Variants in NAV2 observed in about 807,000 individuals in gnomAD.
The protein encoded by NAV2 is neuron navigator 2.
In NAV2, 54 loss-of-function variants were observed where a neutral mutation model predicts 223.2. That is an observed-to-expected ratio of 0.24 (90% CI 0.19 to 0.30). NAV2 has a LOEUF of 0.30. Ranked by LOEUF, NAV2 falls within the 10% of genes least tolerant of loss-of-function variation. The probability of loss-of-function intolerance (pLI) is 1.00; values close to 1 mark genes in which losing one functional copy is unlikely to be tolerated. For synonymous variants in NAV2, 1,279 were observed against 1,239.3 expected (o/e 1.03, Z -0.67); for missense variants, 2,806 against 3,147.5 (o/e 0.89, Z 2.60).
At chr11:19,827,337 G>T (rs2059691280) in intron 1 of NAV2, among the ~76,000 whole-genome samples, 1 of 152,154 alleles carries the variant, frequency 6.6e-6, no homozygotes, top group South Asian at 2.1e-4. Context: ...TTGCTTTGTA[G>T]CACGAAAGCA....
At chr11:19,560,006 C>T (rs2045042142) in intron 1 of NAV2, among the ~76,000 whole-genome samples, 2 of 152,246 alleles carry the variant, frequency 1.3e-5, no homozygotes, top group Non-Finnish European at 2.9e-5. Flanking sequence ...GCCTGCTTCG[C>T]TCTAGCTGCA....
rs75819090 is a variant in NAV2, at chr11:19,949,489, C to G, written c.2645+409C>G. ...TGTCCCTTCCAATCTTCAATCTTGT[C>G]AAGCTCTTTCCGGCCTCACAGCCTT... On this transcript the variant is annotated intron_variant, in intron 10 of 37. Coordinates refer to ENST00000349880, the MANE Select transcript of NAV2 (RefSeq NM_145117.5). Among the ~76,000 whole-genome samples, 1,114 of 152,310 alleles carry G rather than the reference C, an allele frequency of 7.3e-3. 13 individuals carry two copies. The highest frequency in any genetic ancestry group is 0.026 in the African/African-American group (1,074 of 41,562).
intron 1 of NAV2, among the ~76,000 whole-genome samples, chr11:19,598,352 C>T (rs766576353): frequency 2.6e-5 from 4 of 152,234 alleles, no homozygotes; most frequent in African/African-American, 4.8e-5. Flanking sequence ...ACAGGTAAGA[C>T]GGTCACTGTG....
upstream of NAV2, among the ~76,000 whole-genome samples, chr11:19,349,362 T>G (rs1036598109): frequency 2.0e-5 from 3 of 152,214 alleles, no homozygotes; most frequent in Non-Finnish European, 4.4e-5. Flanking sequence ...AAGCCCTCTG[T>G]GGCCGAGTCT....
intron 1 of NAV2, among the ~76,000 whole-genome samples, chr11:19,533,618 A>G (rs2044092442): frequency 6.6e-6 from 1 of 151,836 alleles, no homozygotes; most frequent in Admixed American, 6.6e-5. Flanking sequence ...TCACATACTG[A>G]AACCTTCTCT....
intron 6 of NAV2, among the ~76,000 whole-genome samples, chr11:19,896,297 C>T (rs1039413379): frequency 2.6e-5 from 4 of 152,278 alleles, no homozygotes; most frequent in Admixed American, 2.0e-4. Flanking sequence ...AATTGAAACT[C>T]GGTGCCCATT....
At chr11:19,497,264 G>C (rs1193495531) in intron 1 of NAV2, among the ~76,000 whole-genome samples, 17 of 152,190 alleles carry the variant, frequency 1.1e-4, no homozygotes, top group Non-Finnish European at 2.9e-5. Flanking sequence ...TTAATGTTTG[G>C]AAAGTGCTTA....
intron 1 of NAV2, among the ~76,000 whole-genome samples, chr11:19,772,843 T>C (rs1194026927): frequency 6.6e-6 from 1 of 152,206 alleles, no homozygotes; most frequent in Non-Finnish European, 1.5e-5. Flanking sequence ...CCATTAGTCA[T>C]TGCTTTGGCT....
chr11:19,515,345 T>A (rs1228642508), intron 1 of NAV2, among the ~76,000 whole-genome samples: 1 of 152,218 alleles, frequency 6.6e-6, no homozygotes. Flanking sequence ...AATATTATAT[T>A]CCATGCCTGA....
intron 4 of NAV2, 36 bp from the exon 5 acceptor site, chr11:19,879,833 T>G: frequency 6.2e-7 from 1 of 1,613,046 alleles, no homozygotes; most frequent in African/African-American, 1.3e-5. Context: ...GAAGAAGAGC[T>G]CCCCATCTGA....
At chr11:19,836,001 T>C (rs2060207166) in intron 2 of NAV2, among the ~76,000 whole-genome samples, 1 of 152,130 alleles carries the variant, frequency 6.6e-6, no homozygotes, top group Non-Finnish European at 1.5e-5. Context: ...GCCTGGGTCT[T>C]AGTTGTCTTC....
chr11:19,445,591 C>T (rs1851553897), intron 1 of NAV2, among the ~76,000 whole-genome samples: 1 of 152,142 alleles, frequency 6.6e-6, no homozygotes, highest in Admixed American at 6.5e-5. Flanking sequence ...GGACTCTGGT[C>T]TCTCGAGCCA....
chr11:19,741,831 C>A (rs2052860326), intron 1 of NAV2, among the ~76,000 whole-genome samples: 1 of 151,644 alleles, frequency 6.6e-6, no homozygotes, highest in Non-Finnish European at 1.5e-5. Context: ...GCAGATATGT[C>A]TATGAGGTGC....
intron 1 of NAV2, among the ~76,000 whole-genome samples, chr11:19,397,319 C>T (rs1028312336): frequency 3.3e-5 from 5 of 151,938 alleles, no homozygotes; most frequent in Admixed American, 2.0e-4. Flanking sequence ...TGATCTCTTT[C>T]GGTTTTGGAG....
At chr11:19,702,976 C>A (rs1590115127) in intron 1 of NAV2, among the ~76,000 whole-genome samples, 1 of 150,966 alleles carries the variant, frequency 6.6e-6, no homozygotes, top group African/African-American at 2.4e-5. Flanking sequence ...CTAATTTACC[C>A]CTCAGAAAGA....
chr11:19,641,923 C>T (rs2047678379), intron 1 of NAV2, among the ~76,000 whole-genome samples: 1 of 152,170 alleles, frequency 6.6e-6, no homozygotes, highest in Admixed American at 6.5e-5. Flanking sequence ...TGCCATCCCT[C>T]CCATTTCTAC....
chr11:19,625,614 T>C (rs977275228), intron 1 of NAV2, among the ~76,000 whole-genome samples: 2 of 152,206 alleles, frequency 1.3e-5, no homozygotes, highest in Admixed American at 6.5e-5. Context: ...TTGTAGTTTT[T>C]TGAGGAACTT....
At chr11:19,882,573 G>A (rs1308321190) in intron 5 of NAV2, among the ~76,000 whole-genome samples, 1 of 152,190 alleles carries the variant, frequency 6.6e-6, no homozygotes, top group South Asian at 2.1e-4. Context: ...AGTGGCTTGT[G>A]TCACTGAGCT....
chr11:19,939,243 G>C (rs1164371747), intron 7 of NAV2, among the ~76,000 whole-genome samples: 2 of 152,226 alleles, frequency 1.3e-5, no homozygotes, highest in African/African-American at 4.8e-5. Context: ...AGAATTTTGG[G>C]GTGGGGGAGC....
Sources: gnomAD v4.1 joint callset for allele counts (sites outside exome capture counted in the v4.1 genomes callset) on GRCh38, gnomAD v4.1.1 for gene constraint, MANE v1.5 for transcripts, NCBI Gene and HGNC (gene_info 2026-07-23, HGNC 2026-07-21) for gene names.